Variants in SBF2 observed in about 807,000 individuals in gnomAD.
SBF2 encodes SET binding factor 2.
Under a neutral mutation model 225.2 loss-of-function variants are expected in SBF2, and 112 were observed. The observed-to-expected ratio is 0.50, with a 90% CI of 0.43 to 0.58. The LOEUF (loss-of-function observed/expected upper bound fraction) is 0.58, where lower values mean the gene tolerates loss of function less well. Ranked by LOEUF, SBF2 falls within the 20% of genes least tolerant of loss-of-function variation. SBF2 has a pLI of 0.00. For missense variants in SBF2, 1,996 were observed against 2,206.2 expected, an observed-to-expected ratio of 0.90 and a Z score of 1.91; for synonymous variants, 763 against 773.3, an observed-to-expected ratio of 0.99 and a Z score of 0.22.
chr11:9,811,125 G>A (rs1301605404), intron 30 of SBF2: 1 of 152,216 alleles, frequency 6.6e-6, no homozygotes, highest in African/African-American at 2.4e-5. Context: ...TCACTTATAA[G>A]TGGGAGCTAA....
chr11:9,810,459 T>A (rs930561018), intron 30 of SBF2: 4 of 152,170 alleles, frequency 2.6e-5, no homozygotes, highest in Non-Finnish European at 5.9e-5. Context: ...ATTGTAATTT[T>A]AAAAAATATT....
intron 2 of SBF2, among the ~76,000 whole-genome samples, chr11:10,162,396 T>A (rs777943443): frequency 3.3e-5 from 5 of 152,098 alleles, no homozygotes; most frequent in Non-Finnish European, 7.4e-5. Context: ...AAAGACAAAC[T>A]CTAATGCTGA....
In SBF2 at chr11:9,783,156, C is replaced by T. The variant is rs138003549; in HGVS notation, c.5319+1195G>A. On this transcript the variant is annotated intron_variant, in intron 38 of 39. Transcript: ENST00000256190. The stretch of plus-strand genomic sequence containing the variant: ...GATGTAAATTATAGAAAAATTATGA[C>T]ATTCTCCTATGTTATATTTAGAAGC... The T allele has an allele frequency of 8.5e-5, 13 of 152,324 alleles. No individual in the cohort carries two copies. In the East Asian group the frequency reaches 2.5e-3, roughly 29 times the overall value. The allele number at this position is 152,324 out of a possible 1,614,324, so 9.4% of individuals were successfully genotyped here.
chr11:10,071,305 C>T (rs1950864854), intron 2 of SBF2, among the ~76,000 whole-genome samples: 1 of 131,288 alleles, frequency 7.6e-6, no homozygotes, highest in Admixed American at 9.8e-5. Flanking sequence ...CTCACTCTGT[C>T]ACCCAGGCTG....
chr11:9,845,333 G>A (rs1856462170), intron 24 of SBF2, among the ~76,000 whole-genome samples: 1 of 152,220 alleles, frequency 6.6e-6, no homozygotes, highest in African/African-American at 2.4e-5. Flanking sequence ...AAAATGCATT[G>A]TGAGCAATGG....
intron 2 of SBF2, among the ~76,000 whole-genome samples, chr11:10,047,172 A>C (rs1048224391): frequency 2.6e-5 from 4 of 152,188 alleles, no homozygotes; most frequent in African/African-American, 9.6e-5. Flanking sequence ...AGGAAGACTC[A>C]ATACTGACAA....
chr11:10,116,841 G>C (rs749361531), intron 2 of SBF2, among the ~76,000 whole-genome samples: 12 of 152,098 alleles, frequency 7.9e-5, no homozygotes, highest in Admixed American at 2.0e-4. Flanking sequence ...GTCATTTTGA[G>C]CTCCTATTTA....
intron 17 of SBF2, among the ~76,000 whole-genome samples, chr11:9,871,393 G>T (rs996231189): frequency 1.3e-5 from 2 of 151,350 alleles, no homozygotes; most frequent in Non-Finnish European, 2.9e-5. Context: ...ATGAAAAAAA[G>T]CTCACCATCA....
chr11:9,781,365 G>C (rs1358262832), intron 39 of SBF2, 142 bp downstream of exon 39: 5 of 1,079,540 alleles, frequency 4.6e-6, no homozygotes, highest in Middle Eastern at 5.9e-4. Context: ...CTGAGTTCAA[G>C]CTCTGGAACA....
chr11:9,866,383 T>C (rs115398727), intron 17 of SBF2, among the ~76,000 whole-genome samples: 68 of 152,110 alleles, frequency 4.5e-4, no homozygotes, highest in African/African-American at 1.5e-3. Flanking sequence ...AACAGACTCA[T>C]TGACTAAAAA....
At chr11:10,116,781 A>G (rs1329286891) in intron 2 of SBF2, among the ~76,000 whole-genome samples, 2 of 152,072 alleles carry the variant, frequency 1.3e-5, no homozygotes, top group East Asian at 3.9e-4. Flanking sequence ...CCCTCTTACT[A>G]GCAGGAAAAA....
At chr11:10,287,991 G>A (rs1353926373) in intron 1 of SBF2, among the ~76,000 whole-genome samples, 1 of 152,208 alleles carries the variant, frequency 6.6e-6, no homozygotes, top group Non-Finnish European at 1.5e-5. Flanking sequence ...AGCTCTCTGC[G>A]AGGCTGTGGC....
rs368420778 is a variant in SBF2, at chr11:9,813,452, C to A, written c.3979-744G>T. On this transcript the variant is annotated intron_variant, in intron 29 of 39. Transcript: ENST00000256190. ...AAGCGATTCTCCTGCCTCAGCCTCC[C>A]GAGTAGCTGGGACTACAGTCGTGCG... Among the ~76,000 whole-genome samples the A allele has an allele frequency of 2.3e-4, 35 of 152,154 alleles. 4 individuals carry two copies. Among genetic ancestry groups the A allele is most frequent in the East Asian group, 1.8e-3 (9 of 5,142 alleles).
Position 9,812,935 on chromosome 11 carries a change from T to C in SBF2, c.3979-227A>G, listed in dbSNP as rs749547166. Among the ~76,000 whole-genome samples, 60 of 152,224 alleles carry C rather than the reference T, an allele frequency of 3.9e-4. 1 individual carries two copies. The highest frequency in any genetic ancestry group is 1.0e-4 in the Non-Finnish European group (7 of 68,042). ...CCAGAATGGCAAATCTAGTCCTTAC[T>C]AGAGGTAGATTACTTAGCCTAAGAA... On this transcript the variant is annotated intron_variant, in intron 29 of 39. Transcript: ENST00000256190.
chr11:9,993,001 G>A lies in SBF2; in HGVS notation c.1156C>T (p.His386Tyr). The A allele has an allele frequency of 6.2e-7, 1 of 1,601,184 alleles. No individual in the cohort carries two copies. Among genetic ancestry groups the A allele is most frequent in the Non-Finnish European group, 8.5e-7 (1 of 1,169,930 alleles). ...GTACTCTATCTTACCTTGTGGAAAT[G>A]TATTACTGGCTCTGCATGAATTCTT... is the stretch of plus-strand genomic sequence containing the variant. ...LIRIHAEPVI[H>Y]FHKTAFLGQR... The change falls in exon 11 of 40, where the codon CAT (histidine) becomes TAT (tyrosine). Residue 386 changes from histidine to tyrosine, a missense_variant. Transcript: ENST00000256190.
intron 1 of SBF2, among the ~76,000 whole-genome samples, chr11:10,256,773 A>G (rs1350465098): frequency 1.3e-5 from 2 of 152,186 alleles, no homozygotes; most frequent in South Asian, 2.1e-4. Flanking sequence ...ACCAGCCCCC[A>G]TAATTTCTAC....
At chr11:9,944,005 G>C (rs1363597746) in intron 16 of SBF2, among the ~76,000 whole-genome samples, 1 of 152,140 alleles carries the variant, frequency 6.6e-6, no homozygotes, top group Non-Finnish European at 1.5e-5. Flanking sequence ...TTCAATAGCA[G>C]AATGGGCTTA....
intron 16 of SBF2, among the ~76,000 whole-genome samples, chr11:9,905,481 A>G (rs1051975584): frequency 3.3e-5 from 5 of 152,248 alleles, no homozygotes; most frequent in Non-Finnish European, 7.3e-5. Flanking sequence ...TTTATTGAGT[A>G]TCTACTATGT....
At chr11:10,215,668 CAACA>C (rs35767365) in intron 1 of SBF2, among the ~76,000 whole-genome samples, 76,825 of 151,562 alleles carry the variant, frequency 0.51, 19,779 homozygotes, top group East Asian at 0.66. Flanking sequence ...TTCTGAACTG[CAACA>C]TTCTCCCACA....
Sources: gnomAD v4.1 joint callset for allele counts (sites outside exome capture counted in the v4.1 genomes callset) on GRCh38, gnomAD v4.1.1 for gene constraint, MANE v1.5 for transcripts, NCBI Gene and HGNC (gene_info 2026-07-23, HGNC 2026-07-21) for gene names.